Variants in RADIL observed in about 807,000 individuals in gnomAD.
RADIL encodes Rap associating with DIL domain.
In RADIL, 99 loss-of-function variants were observed where a neutral mutation model predicts 97.6. The ratio of observed to expected loss-of-function variants is 1.01; its 90% CI spans 0.86 to 1.20. The LOEUF (loss-of-function observed/expected upper bound fraction) is 1.20. Ranked by LOEUF, RADIL falls within the 50% of genes most tolerant of loss-of-function variation. The pLI is 0.00. For missense variants in RADIL, 1,765 were observed against 1,498.9 expected (o/e 1.18, Z -2.93); for synonymous variants, 803 against 691.8 (o/e 1.16, Z -2.52).
At chr7:4,862,962 C>T (rs1227440399) in intron 2 of RADIL, among the ~76,000 whole-genome samples, 1 of 152,090 alleles carries the variant, frequency 6.6e-6, no homozygotes, top group Non-Finnish European at 1.5e-5. Flanking sequence ...CCAGGATACA[C>T]TATGATTCCC....
rs1373603473 is a variant in RADIL, at chr7:4,824,060, C to A, written c.1455-1506G>T. On this transcript the variant is annotated intron_variant, in intron 5 of 14. Coordinates refer to ENST00000399583, the MANE Select transcript of RADIL (RefSeq NM_018059.5). The surrounding 1 kb of genome is among the most constrained non-coding windows in gnomAD (Gnocchi z 6.7). Reference sequence around the variant, plus strand: ...GCAGTGAGCAGAAGGCCGTGTGTGCCCCTGAGCAGTGAGCAGAAGGGATCC... The same window carrying A: ...GCAGTGAGCAGAAGGCCGTGTGTGCACCTGAGCAGTGAGCAGAAGGGATCC... Among the ~76,000 whole-genome samples, 1 of 152,228 alleles carries A rather than the reference C, an allele frequency of 6.6e-6. No homozygotes were observed. Among genetic ancestry groups the A allele is most frequent in the Non-Finnish European group, 1.5e-5 (1 of 68,042 alleles).
In RADIL at chr7:4,842,385, C is replaced by A. The variant is rs948253249; in HGVS notation, c.536-5780G>T. Among the ~76,000 whole-genome samples the A allele has an allele frequency of 8.5e-5, 13 of 152,232 alleles. No homozygotes were observed. Among genetic ancestry groups the A allele is most frequent in the African/African-American group, 3.1e-4 (13 of 41,472 alleles). ...CCTCATCTCCAAGGTGAGAAACTCACTCCTGGAGGAAGCGGCGAGGGAGAC... is the reference window on the plus strand; with the variant it reads ...CCTCATCTCCAAGGTGAGAAACTCAATCCTGGAGGAAGCGGCGAGGGAGAC... On this transcript the variant is annotated intron_variant, in intron 2 of 14. Transcript: ENST00000399583. The surrounding 1 kb of genome is among the most constrained non-coding windows in gnomAD (Gnocchi z 4.5).
At chr7:4,856,446 C>G (rs965972590) in intron 2 of RADIL, among the ~76,000 whole-genome samples, 2 of 152,152 alleles carry the variant, frequency 1.3e-5, no homozygotes, top group African/African-American at 4.8e-5. Context: ...CTTTGTCACC[C>G]TTAATATATT....
Position 4,860,019 on chromosome 7 carries a change from C to G in RADIL, c.535+17586G>C. ...GATGGAGAAATGGCAGGCTGAGAGACAGCGTGAGGAATACTTTCGTTTAAT... is the reference window on the plus strand; with the variant it reads ...GATGGAGAAATGGCAGGCTGAGAGAGAGCGTGAGGAATACTTTCGTTTAAT... On this transcript the variant is annotated intron_variant, in intron 2 of 14. Coordinates refer to ENST00000399583, the MANE Select transcript of RADIL (RefSeq NM_018059.5). 1.9e-6 allele frequency: 3 copies of G among 1,613,990 alleles called. No individual in the cohort carries two copies. The South Asian group carries it at 3.3e-5, about 18-fold the overall frequency.
Position 4,835,587 on chromosome 7 carries a change from A to T in RADIL, c.784-348T>A, listed in dbSNP as rs1406546018. Among the ~76,000 whole-genome samples, 1 of 151,222 alleles carries T rather than the reference A, an allele frequency of 6.6e-6. No individual in the cohort carries two copies. Among genetic ancestry groups the T allele is most frequent in the Non-Finnish European group, 1.5e-5 (1 of 67,866 alleles). On this transcript the variant is annotated intron_variant, in intron 3 of 14. Transcript: ENST00000399583. The surrounding 1 kb of genome is among the most constrained non-coding windows in gnomAD (Gnocchi z 5.8). ...ATAACTTCCCCCAAGTCATCCCCAA[A>T]ACTGTGTGGGAGCACTGCCGCCTGT...
Position 4,819,576 on chromosome 7 carries a change from C to T in RADIL, c.1616-2225G>A, listed in dbSNP as rs1015519810. ...CTCCAGCCACGAGGAGAATCTGAGG[C>T]GCACACGATGGTGTGAGGCGGCGCG... is the stretch of plus-strand genomic sequence containing the variant. On this transcript the variant is annotated intron_variant, in intron 6 of 14. Transcript: ENST00000399583. The surrounding 1 kb of genome is among the most constrained non-coding windows in gnomAD (Gnocchi z 5.8). Among the ~76,000 whole-genome samples the T allele has an allele frequency of 9.9e-5, 15 of 152,154 alleles. No homozygotes were observed. The highest frequency in any genetic ancestry group is 2.7e-4 in the African/African-American group (11 of 41,424).
chr7:4,860,986 C>T (rs752787385), intron 2 of RADIL: 1 of 1,614,066 alleles, frequency 6.2e-7, no homozygotes, highest in African/African-American at 1.3e-5. Flanking sequence ...CTGAAAATAC[C>T]AAGAAGAATT....
At position 4,819,634 on chromosome 7, in the gene RADIL, A is replaced by C. The variant is rs1264459088; in HGVS notation, c.1616-2283T>G. On this transcript the variant is annotated intron_variant, in intron 6 of 14. Coordinates refer to ENST00000399583, the MANE Select transcript of RADIL (RefSeq NM_018059.5). The surrounding 1 kb of genome is among the most constrained non-coding windows in gnomAD (Gnocchi z 5.8). The stretch of plus-strand genomic sequence containing the variant: ...CCTGGGTCAGAGCTTTGTACAAAAC[A>C]GTGTTTGCGGAATGACAACAGCCAC... Among the ~76,000 whole-genome samples, 1 of 152,190 alleles carries C rather than the reference A, an allele frequency of 6.6e-6. No individual in the cohort carries two copies. Among genetic ancestry groups the C allele is most frequent in the Non-Finnish European group, 1.5e-5 (1 of 68,030 alleles).
At chr7:4,838,291 G>A (rs557237319) in intron 2 of RADIL, among the ~76,000 whole-genome samples, 8 of 152,214 alleles carry the variant, frequency 5.3e-5, no homozygotes, top group Admixed American at 2.0e-4. Context: ...GGCCAGATCC[G>A]AAAGAAGAAC....
chr7:4,816,261 C>T lies in RADIL; in HGVS notation c.1933G>A (p.Gly645Arg), dbSNP rs766317429. Reference protein sequence around the residue: ...QMLAYLFFFSGTLLLNQLLDR... With the variant: ...QMLAYLFFFSRTLLLNQLLDR... ...AGGAGCTGGTTGAGAAGCAGTGTCC[C>T]GGAGAAGAAGAAGAGGTAGGCGAGC... is the stretch of plus-strand genomic sequence containing the variant. The change falls in exon 8 of 15, where the codon GGG becomes AGG. Residue 645 changes from glycine to arginine, a missense_variant. Physicochemically the swap from Gly to Arg is moderately radical, Grantham distance 125 (BLOSUM62 -2). Coordinates refer to ENST00000399583, the MANE Select transcript of RADIL (RefSeq NM_018059.5). 4.0e-5 allele frequency: 64 copies of T among 1,612,434 alleles called. No individual in the cohort carries two copies. The highest frequency in any genetic ancestry group is 5.2e-5 in the Non-Finnish European group (61 of 1,179,694).
Position 4,879,270 on chromosome 7 carries a change from C to T in RADIL, c.-64-1067G>A, listed in dbSNP as rs4720437. On this transcript the variant is annotated intron_variant, in intron 1 of 14. Transcript: ENST00000399583. The surrounding 1 kb of genome is among the most constrained non-coding windows in gnomAD (Gnocchi z 4.1). ...GTCATACAATCACACTTCTAATGTCCGTAGCGTGCCCAGGGCCAGGAGTTC... is the reference window on the plus strand; with the variant it reads ...GTCATACAATCACACTTCTAATGTCTGTAGCGTGCCCAGGGCCAGGAGTTC... Among the ~76,000 whole-genome samples, 34,396 of 152,212 alleles carry T rather than the reference C, an allele frequency of 0.23. 4,524 individuals are homozygous for T. Among genetic ancestry groups the T allele is most frequent in the Admixed American group, 0.34 (5,206 of 15,300 alleles).
chr7:4,817,350 G>T lies in RADIL; in HGVS notation c.1617C>A (p.Gly539=). 6.2e-7 allele frequency: 1 copy of T among 1,610,760 alleles called. No individual in the cohort carries two copies. Among genetic ancestry groups the T allele is most frequent in the East Asian group, 2.2e-5 (1 of 44,832 alleles). Residue 539 remains glycine (G), a splice_region_variant and synonymous_variant, in exon 7 of 15, where the codon GGC becomes GGA. Transcript: ENST00000399583. This position sits in a 1 kb window ranked among gnomAD's most constrained non-coding sequence, Gnocchi z 8.3. ...QSMEEQLDIT[G]SKESLFSCTL... ...TGCAGGAGAACAGCGATTCCTTCGA[G>T]CCTGCCGGGAGACAGCCACGCCAAT... is the stretch of plus-strand genomic sequence containing the variant.
At position 4,834,352 on chromosome 7, in the gene RADIL, G is replaced by A. The variant is rs551454384; in HGVS notation, c.1416+255C>T. ...AGGGTACAAGCCCAGAGCTCAGGAG[G>A]TGACCTAGGACCCCACGCAAACCCC... On this transcript the variant is annotated intron_variant, in intron 4 of 14. Coordinates refer to ENST00000399583, the MANE Select transcript of RADIL (RefSeq NM_018059.5). The surrounding 1 kb of genome is among the most constrained non-coding windows in gnomAD (Gnocchi z 6.0). Among the ~76,000 whole-genome samples the A allele has an allele frequency of 1.3e-5, 2 of 152,258 alleles. No homozygotes were observed. The highest frequency in any genetic ancestry group is 4.1e-4 in the South Asian group (2 of 4,822).
At chr7:4,876,277 C>T (rs540428571) in intron 2 of RADIL, among the ~76,000 whole-genome samples, 2 of 152,218 alleles carry the variant, frequency 1.3e-5, no homozygotes, top group South Asian at 2.1e-4. Context: ...GTGTGAGCCA[C>T]CACACCCGGC....
At position 4,818,475 on chromosome 7, in the gene RADIL, G is replaced by A. The variant is rs1327340222; in HGVS notation, c.1616-1124C>T. The stretch of plus-strand genomic sequence containing the variant: ...AGCCCGCTCCCCAAGAACCTGTGAA[G>A]CCCCCCAGTGCCTGCCCCACAGGGT... On this transcript the variant is annotated intron_variant, in intron 6 of 14. Transcript: ENST00000399583. The surrounding 1 kb of genome is among the most constrained non-coding windows in gnomAD (Gnocchi z 7.1). Among the ~76,000 whole-genome samples, 2 of 152,102 alleles carry A rather than the reference G, an allele frequency of 1.3e-5. No individual in the cohort carries two copies. The highest frequency in any genetic ancestry group is 4.8e-5 in the African/African-American group (2 of 41,420).
In RADIL at chr7:4,873,755, C is replaced by T. The variant is rs913853192; in HGVS notation, c.535+3850G>A. On this transcript the variant is annotated intron_variant, in intron 2 of 14. Transcript: ENST00000399583. This position sits in a 1 kb window ranked among gnomAD's most constrained non-coding sequence, Gnocchi z 4.3. ...GCAGCCCCATCGGTGCCCAGGGAGG[C>T]GCAGGACAGGCGGGCTGCTGGAAGG... Among the ~76,000 whole-genome samples, 5 of 152,224 alleles carry T rather than the reference C, an allele frequency of 3.3e-5. No homozygotes were observed. Among genetic ancestry groups the T allele is most frequent in the African/African-American group, 7.2e-5 (3 of 41,456 alleles).
chr7:4,838,118 G>T, intron 2 of RADIL: 1 of 945,624 alleles, frequency 1.1e-6, no homozygotes, highest in Non-Finnish European at 1.3e-6. Flanking sequence ...AGGCTGCTGG[G>T]CTGGGCTGCT....
In RADIL at chr7:4,861,804, G is replaced by A. The variant is rs376936354; in HGVS notation, c.535+15801C>T. The A allele has an allele frequency of 2.8e-5, 41 of 1,452,412 alleles. No individual in the cohort carries two copies. In the African/African-American group the frequency reaches 4.6e-4, roughly 16 times the overall value. The allele number at this position is 1,452,412 out of a possible 1,614,324, so 90.0% of individuals were successfully genotyped here. On this transcript the variant is annotated intron_variant, in intron 2 of 14. Coordinates refer to ENST00000399583, the MANE Select transcript of RADIL (RefSeq NM_018059.5). ...GGTCCCTGGGTTGTCACCGGAAACGGCATCATCTTTCAGCGCCCGCCCCGC... is the reference window on the plus strand; with the variant it reads ...GGTCCCTGGGTTGTCACCGGAAACGACATCATCTTTCAGCGCCCGCCCCGC...
In RADIL at chr7:4,817,206, G is replaced by C; in HGVS notation, c.1728+33C>G. 6.4e-7 allele frequency: 1 copy of C among 1,574,414 alleles called. No homozygotes were observed. The highest frequency in any genetic ancestry group is 8.7e-7 in the Non-Finnish European group (1 of 1,150,594). On this transcript the variant is annotated intron_variant, in intron 7 of 14. Transcript: ENST00000399583. This position sits in a 1 kb window ranked among gnomAD's most constrained non-coding sequence, Gnocchi z 8.3. ...TGAGCCCCACTTGATCCCAGGAGCT[G>C]CCTGAGTGCAGAAGCAGAGCCCGTC...
Sources: allele counts gnomAD v4.1 joint callset (sites outside exome capture counted in the v4.1 genomes callset), GRCh38; gene constraint gnomAD v4.1.1; non-coding constraint Gnocchi (gnomAD v3.1); transcripts MANE v1.5; gene names NCBI Gene and HGNC (gene_info 2026-07-23, HGNC 2026-07-21).